The following ATP9B variants were observed in gnomAD, a reference collection of about 807,000 sequenced individuals.
ATP9B encodes the protein probable phospholipid-transporting ATPase IIB.
A neutral mutation model predicts 146.1 loss-of-function variants in ATP9B; 110 were observed. The observed-to-expected ratio is 0.75, with a 90% CI of 0.65 to 0.88. The LOEUF is 0.88. Ranked by LOEUF, ATP9B falls within the 40% of genes least tolerant of loss-of-function variation. The pLI is 0.00. For synonymous variants in ATP9B, 604 were observed against 569.7 expected (o/e 1.06, Z -0.86); for missense variants, 1,499 against 1,496.4 (o/e 1.00, Z -0.03).
At chr18:79,155,671 T>G (rs2094764393) in intron 7 of ATP9B, among the ~76,000 whole-genome samples, 1 of 152,028 alleles carries the variant, frequency 6.6e-6, no homozygotes, top group South Asian at 2.1e-4. Flanking sequence ...GATTTCAGAG[T>G]TGTTGATTTA....
At chr18:79,226,932 A>G (rs2095741072) in intron 11 of ATP9B, among the ~76,000 whole-genome samples, 1 of 152,112 alleles carries the variant, frequency 6.6e-6, no homozygotes. Context: ...CCTGTGTACT[A>G]GGCACTGACT....
intron 26 of ATP9B, among the ~76,000 whole-genome samples, chr18:79,371,836 G>T (rs1308154280): frequency 6.6e-6 from 1 of 152,230 alleles, no homozygotes; most frequent in African/African-American, 2.4e-5. Flanking sequence ...TCCCCCGTGG[G>T]TGGGGAAGCC....
intron 11 of ATP9B, among the ~76,000 whole-genome samples, chr18:79,234,191 C>T (rs967867363): frequency 1.3e-5 from 2 of 152,122 alleles, no homozygotes; most frequent in African/African-American, 4.8e-5. Context: ...ATATAGAGGG[C>T]AGTTTATTTA....
At chr18:79,338,133 G>A (rs1006894173) in intron 19 of ATP9B, among the ~76,000 whole-genome samples, 24 of 152,242 alleles carry the variant, frequency 1.6e-4, no homozygotes, top group Admixed American at 4.6e-4. Flanking sequence ...ATACTCAGAC[G>A]TGCACTACAT....
Position 79,277,096 on chromosome 18 carries a change from G to T in ATP9B, c.1311G>T (p.Trp437Cys). The change falls in exon 13 of 30, where the codon TGG becomes TGT. Residue 437 changes from tryptophan to cysteine, a missense_variant. Transcript: ENST00000426216. ...ACATGGGCAAAGCGGTGTATGGATG[G>T]ATGATGATGAAAGATGAGAACATCC... ...NLDMGKAVYG[W>C]MMMKDENIPG... The T allele has an allele frequency of 6.2e-7, 1 of 1,614,198 alleles. No homozygotes were observed. Among genetic ancestry groups the T allele is most frequent in the Non-Finnish European group, 8.5e-7 (1 of 1,180,024 alleles).
At chr18:79,118,484 T>A (rs968270917) in intron 4 of ATP9B, among the ~76,000 whole-genome samples, 1 of 132,602 alleles carries the variant, frequency 7.5e-6, no homozygotes, top group Non-Finnish European at 1.6e-5. Context: ...CACTGCAAGC[T>A]CCGCCTCCCG....
chr18:79,270,883 G>T (rs2096247022), intron 12 of ATP9B, among the ~76,000 whole-genome samples: 1 of 152,196 alleles, frequency 6.6e-6, no homozygotes, highest in Admixed American at 6.5e-5. Context: ...CCACATGAAA[G>T]TCGGAAGAGT....
chr18:79,303,562 C>A, intron 13 of ATP9B, 42 bp from the exon 14 acceptor site: 1 of 1,520,386 alleles, frequency 6.6e-7, no homozygotes, highest in Non-Finnish European at 9.1e-7. Context: ...TTCCCGCAGG[C>A]CTCCTGCATT....
intron 3 of ATP9B, among the ~76,000 whole-genome samples, chr18:79,112,711 T>C (rs1030922202): frequency 6.6e-6 from 1 of 152,108 alleles, no homozygotes; most frequent in African/African-American, 2.4e-5. Flanking sequence ...GCTTGTTCAT[T>C]CAGTCTTTGT....
At chr18:79,358,911 G>C (rs923114595) in intron 25 of ATP9B, among the ~76,000 whole-genome samples, 1 of 151,048 alleles carries the variant, frequency 6.6e-6, no homozygotes, top group African/African-American at 2.4e-5. Context: ...GGGGTGCTGT[G>C]GGTCTGGAGG....
intron 15 of ATP9B, among the ~76,000 whole-genome samples, chr18:79,326,687 C>T (rs1429678956): frequency 6.6e-6 from 1 of 152,228 alleles, no homozygotes; most frequent in African/African-American, 2.4e-5. Flanking sequence ...GGAAGCAGCT[C>T]TTCACACCCA....
chr18:79,099,556 C>G (rs913119336), intron 2 of ATP9B, among the ~76,000 whole-genome samples: 1 of 152,140 alleles, frequency 6.6e-6, no homozygotes. Context: ...CATTTCTAAT[C>G]TAAATCCATG....
intron 27 of ATP9B, among the ~76,000 whole-genome samples, chr18:79,373,615 C>A (rs2097086123): frequency 6.6e-6 from 1 of 151,880 alleles, no homozygotes; most frequent in Admixed American, 6.6e-5. Context: ...TCAGCCTCCC[C>A]AGTAGCTGGG....
Position 79,141,492 on chromosome 18 carries a change from G to A in ATP9B, c.668-2310G>A, listed in dbSNP as rs76665107. ...GTGCACTTGATAGTATATTGAATAGGATAGTTTTAAGAAAAAAATATGTCA... is the reference window on the plus strand; with the variant it reads ...GTGCACTTGATAGTATATTGAATAGAATAGTTTTAAGAAAAAAATATGTCA... On this transcript the variant is annotated intron_variant, in intron 5 of 29. Coordinates refer to ENST00000426216, the MANE Select transcript of ATP9B (RefSeq NM_198531.5). 5.7e-3 allele frequency among the ~76,000 whole-genome samples: 866 copies of A among 152,236 alleles called. 3 individuals are homozygous for A. Among genetic ancestry groups the A allele is most frequent in the Non-Finnish European group, 7.4e-3 (505 of 67,994 alleles).
intron 4 of ATP9B, among the ~76,000 whole-genome samples, chr18:79,118,923 T>C (rs985215884): frequency 6.6e-6 from 1 of 151,928 alleles, no homozygotes; most frequent in Non-Finnish European, 1.5e-5. Flanking sequence ...ATAGAAAGAT[T>C]AATTGTGTGT....
intron 8 of ATP9B, among the ~76,000 whole-genome samples, chr18:79,184,096 T>A (rs1397802096): frequency 6.6e-6 from 1 of 152,218 alleles, no homozygotes; most frequent in African/African-American, 2.4e-5. Flanking sequence ...TTTTTCTTTA[T>A]GCATTTATAG....
intron 19 of ATP9B, among the ~76,000 whole-genome samples, chr18:79,339,469 G>C (rs1568746896): frequency 6.6e-6 from 1 of 151,954 alleles, no homozygotes; most frequent in Non-Finnish European, 1.5e-5. Context: ...GATCACAGTA[G>C]GAAGTGTGTC....
chr18:79,086,402 C>T (rs1273917426), intron 1 of ATP9B: 2 of 128,744 alleles, frequency 1.6e-5, no homozygotes, highest in Non-Finnish European at 3.1e-5. Context: ...CACCACTGCA[C>T]TCCAGCCTGG....
At position 79,177,963 on chromosome 18, in the gene ATP9B, C is replaced by T. The variant is rs777572372; in HGVS notation, c.873+1056C>T. Among the ~76,000 whole-genome samples the T allele has an allele frequency of 2.6e-4, 40 of 152,188 alleles. 1 individual carries two copies. The highest frequency in any genetic ancestry group is 9.2e-4 in the African/African-American group (38 of 41,442). ...TATGTTTAGAGTTATTACAACTTAA[C>T]ATTTTTCCGTGGTCAGTGAATGAAG... On this transcript the variant is annotated intron_variant, in intron 8 of 29. Transcript: ENST00000426216.
Sources: allele counts gnomAD v4.1 joint callset (sites outside exome capture counted in the v4.1 genomes callset), GRCh38; gene constraint gnomAD v4.1.1; transcripts MANE v1.5; gene names NCBI Gene and HGNC (gene_info 2026-07-23, HGNC 2026-07-21).